The following MCRIP1 variants were observed in gnomAD, a reference collection of about 807,000 sequenced individuals.
MCRIP1 encodes mapk-regulated corepressor-interacting protein 1.
MCRIP1 carries 10 observed loss-of-function variants against 14.4 expected under a neutral mutation model. The ratio of observed to expected loss-of-function variants is 0.70; its 90% confidence interval spans 0.43 to 1.18. The LOEUF (loss-of-function observed/expected upper bound fraction) is 1.18. Ranked by LOEUF, MCRIP1 falls within the 50% of genes most tolerant of loss-of-function variation. The pLI is 0.00. For synonymous variants in MCRIP1, 53 were observed against 55.7 expected (o/e 0.95, Z 0.21); for missense variants, 119 against 135.4 (o/e 0.88, Z 0.60).
chr17:81,826,140 C>A (rs1307855317), intron 1 of MCRIP1: 1 of 1,487,044 alleles, frequency 6.7e-7, no homozygotes, highest in African/African-American at 1.4e-5. Flanking sequence ...CTGCTGGGTT[C>A]GGTTGTCACT....
At position 81,822,785 on chromosome 17, in the gene MCRIP1, G is replaced by A. The variant is rs2038293599; in HGVS notation, c.*462C>T. ...CCACGGGAGCAGCAAGGGTCTGCGGGGAGCCCAGGCTGGATGGGGTGGGGC... is the reference window on the plus strand; with the variant it reads ...CCACGGGAGCAGCAAGGGTCTGCGGAGAGCCCAGGCTGGATGGGGTGGGGC... On this transcript the variant is annotated 3_prime_UTR_variant, in exon 5 of 5. Coordinates refer to ENST00000455127, the MANE Select transcript of MCRIP1 (RefSeq NM_207368.5). 4.6e-6 allele frequency: 1 copy of A among 216,334 alleles called. No homozygotes were observed. The highest frequency in any genetic ancestry group is 9.3e-6 in the Non-Finnish European group (1 of 107,326). The allele number at this position is 216,334 out of a possible 1,614,324, so 13.4% of individuals were successfully genotyped here. A position where few individuals can be genotyped will look rare whatever the true frequency, so the allele number is the denominator to read the frequency against.
chr17:81,823,770 C>T lies in MCRIP1; in HGVS notation c.128-257G>A, dbSNP rs765132051. On this transcript the variant is annotated intron_variant, in intron 3 of 4. Coordinates refer to ENST00000455127, the MANE Select transcript of MCRIP1 (RefSeq NM_207368.5). This position sits in a 1 kb window ranked among gnomAD's most constrained non-coding sequence, Gnocchi z 6.0. ...CAGAGGGACCCCTATGACCCTACCCCAGGCTTCCCTGCGCCTCGGAGGCAG... is the reference window on the plus strand; with the variant it reads ...CAGAGGGACCCCTATGACCCTACCCTAGGCTTCCCTGCGCCTCGGAGGCAG... 2.0e-4 allele frequency: 116 copies of T among 590,286 alleles called. No homozygotes were observed. Among genetic ancestry groups the T allele is most frequent in the Middle Eastern group, 4.5e-4 (1 of 2,246 alleles). The allele number at this position is 590,286 out of a possible 1,614,324, so 36.6% of individuals were successfully genotyped here.
chr17:81,828,650 C>T (rs1428957676), intron 1 of MCRIP1, among the ~76,000 whole-genome samples: 1 of 152,128 alleles, frequency 6.6e-6, no homozygotes, highest in Non-Finnish European at 1.5e-5. Context: ...CCACAGCCCC[C>T]ACGCAGAGAC....
intron 1 of MCRIP1, among the ~76,000 whole-genome samples, chr17:81,831,606 GCCCTTACACA>G (rs2038522196): frequency 3.3e-5 from 5 of 152,068 alleles, no homozygotes; most frequent in African/African-American, 1.2e-4. Flanking sequence ...ACCACGCTGG[GCCCTTACACA>G]CATTGCCCAC....
intron 1 of MCRIP1, chr17:81,826,357 G>T (rs527878536): frequency 6.5e-7 from 1 of 1,535,358 alleles, no homozygotes; most frequent in Non-Finnish European, 8.7e-7. Context: ...ACACACATGC[G>T]GCACACACCC....
At chr17:81,826,604 G>C in intron 1 of MCRIP1, 1 of 540,720 alleles carries the variant, frequency 1.8e-6, no homozygotes, top group Non-Finnish European at 3.3e-6. Flanking sequence ...TGGATCAGCT[G>C]AGGTCAGGAG....
At chr17:81,826,899 C>T (rs1356988884) in intron 1 of MCRIP1, among the ~76,000 whole-genome samples, 1 of 149,454 alleles carries the variant, frequency 6.7e-6, no homozygotes, top group African/African-American at 2.5e-5. Flanking sequence ...GCGGGTGGAT[C>T]ACAAGGTCAG....
chr17:81,829,037 G>C (rs2038466162), intron 1 of MCRIP1, among the ~76,000 whole-genome samples: 1 of 152,180 alleles, frequency 6.6e-6, no homozygotes, highest in Non-Finnish European at 1.5e-5. Flanking sequence ...CCATGCATGG[G>C]GTCCCTGAGG....
chr17:81,824,479 C>T lies in MCRIP1; in HGVS notation c.8+20G>A, dbSNP rs779783907. The stretch of plus-strand genomic sequence containing the variant: ...CACAACCCGCCCCGGTGGAGACCAG[C>T]CCACCTGCCTGAGACCCACCTGGTC... On this transcript the variant is annotated intron_variant, in intron 2 of 4. Transcript: ENST00000455127. 5.2e-6 allele frequency: 8 copies of T among 1,535,800 alleles called. No homozygotes were observed. Among genetic ancestry groups the T allele is most frequent in the Admixed American group, 2.0e-5 (1 of 50,954 alleles).
chr17:81,825,660 A>G (rs2038375785), intron 1 of MCRIP1: 1 of 1,289,248 alleles, frequency 7.8e-7, no homozygotes, highest in Non-Finnish European at 1.0e-6. Context: ...GGGCAAAACC[A>G]GCAAAGAGCA....
chr17:81,823,232 G>A lies in MCRIP1; in HGVS notation c.*15C>T. On this transcript the variant is annotated 3_prime_UTR_variant, in exon 5 of 5. Transcript: ENST00000455127. The surrounding 1 kb of genome is among the most constrained non-coding windows in gnomAD (Gnocchi z 6.0). The stretch of plus-strand genomic sequence containing the variant: ...ACCCTGATCTTCCGGAGGCCGGGGA[G>A]GGGCACCGGGCGCTCTAGGACTTCT... 1 of 1,535,930 alleles carries A rather than the reference G, an allele frequency of 6.5e-7. No homozygotes were observed. Among genetic ancestry groups the A allele is most frequent in the Non-Finnish European group, 8.7e-7 (1 of 1,146,648 alleles).
At chr17:81,829,222 G>A (rs2038470753) in intron 1 of MCRIP1, among the ~76,000 whole-genome samples, 2 of 152,048 alleles carry the variant, frequency 1.3e-5, no homozygotes, top group Admixed American at 1.3e-4. Context: ...CCCAGGTAAA[G>A]GGGAGTGGCG....
intron 1 of MCRIP1, among the ~76,000 whole-genome samples, chr17:81,828,633 G>A (rs1315194632): frequency 1.3e-5 from 2 of 152,136 alleles, no homozygotes; most frequent in Non-Finnish European, 2.9e-5. Context: ...AGCAGCCAGA[G>A]GGGGCACCAC....
chr17:81,825,458 A>T, intron 1 of MCRIP1: 1 of 1,195,566 alleles, frequency 8.4e-7, no homozygotes, highest in Non-Finnish European at 1.1e-6. Context: ...CAGGATTCCC[A>T]GGAGGGGGCT....
Position 81,823,405 on chromosome 17 carries a change from C to A in MCRIP1, c.229+7G>T. 2 of 1,536,758 alleles carry A rather than the reference C, an allele frequency of 1.3e-6. No individual in the cohort carries two copies. Among genetic ancestry groups the A allele is most frequent in the South Asian group, 2.4e-5 (2 of 84,050 alleles). ...CCAGCCCTGCCCCCAGGTCAGCCCC[C>A]ACTCACTCTTCAGGCTGGGGTTAGG... is the stretch of plus-strand genomic sequence containing the variant. On this transcript the variant is annotated splice_region_variant and intron_variant, in intron 4 of 4. Transcript: ENST00000455127. The surrounding 1 kb of genome is among the most constrained non-coding windows in gnomAD (Gnocchi z 6.0).
Position 81,824,613 on chromosome 17 carries a change from AG to A in MCRIP1, c.-48-60del, listed in dbSNP as rs1277401936. On this transcript the variant is annotated intron_variant, in intron 1 of 4. Coordinates refer to ENST00000455127, the MANE Select transcript of MCRIP1 (RefSeq NM_207368.5). ...GGGCCACCCTCTCCAGCACAGAAGG[AG>A]GGGGAGGCGCAGGGCACACCTGCCT... 22 of 1,534,374 alleles carry A rather than the reference AG, an allele frequency of 1.4e-5. No homozygotes were observed. The South Asian group carries it at 2.5e-4, about 17-fold the overall frequency.
intron 1 of MCRIP1, chr17:81,825,345 C>T: frequency 8.5e-7 from 1 of 1,175,170 alleles, no homozygotes; most frequent in Non-Finnish European, 1.1e-6. Flanking sequence ...GTCCCCACTC[C>T]AGCTGAGGAC....
At chr17:81,827,842 G>A (rs1228332858) in intron 1 of MCRIP1, among the ~76,000 whole-genome samples, 1 of 143,182 alleles carries the variant, frequency 7.0e-6, no homozygotes, top group Middle Eastern at 3.9e-3. Context: ...GTGCAGTGGC[G>A]CGATCTTGGC....
At chr17:81,825,693 A>G in intron 1 of MCRIP1, 2 of 1,289,368 alleles carry the variant, frequency 1.6e-6, no homozygotes, top group Non-Finnish European at 2.0e-6. Flanking sequence ...CCAGCCCTGG[A>G]ACTCTGTGCC....
Sources: allele counts gnomAD v4.1 joint callset (sites outside exome capture counted in the v4.1 genomes callset), GRCh38; gene constraint gnomAD v4.1.1; non-coding constraint Gnocchi (gnomAD v3.1); transcripts MANE v1.5; gene names NCBI Gene and HGNC (gene_info 2026-07-23, HGNC 2026-07-21).